The following ATG10 variants were observed in gnomAD, a reference collection of about 807,000 sequenced individuals.
The protein encoded by ATG10 is autophagy related 10.
Under a neutral mutation model 32.1 loss-of-function variants are expected in ATG10, and 30 were observed. The observed-to-expected ratio is 0.94, with a 90% CI of 0.70 to 1.27. The LOEUF (loss-of-function observed/expected upper bound fraction) is 1.27, where lower values mean the gene tolerates loss of function less well. Among genes scored for constraint, ATG10 ranks in the 50% most tolerant of loss-of-function variants. ATG10 has a pLI of 0.00. For synonymous variants in ATG10, 87 were observed against 91.5 expected (o/e 0.95, Z 0.28); for missense variants, 233 against 262.3 (o/e 0.89, Z 0.77).
chr5:82,127,445 C>G (rs1766325077), intron 3 of ATG10, among the ~76,000 whole-genome samples: 1 of 152,136 alleles, frequency 6.6e-6, no homozygotes, highest in Non-Finnish European at 1.5e-5. Context: ...CCTCTAAGCA[C>G]TGCTTTAGTT....
At chr5:81,972,545 C>T (rs1760753597) in intron 1 of ATG10, 1 of 152,252 alleles carries the variant, frequency 6.6e-6, no homozygotes, top group Admixed American at 6.5e-5. Flanking sequence ...CCGTCGCGCA[C>T]ACGGTGTCAC....
In ATG10 at chr5:82,113,670, T is replaced by A. The variant is rs74870418; in HGVS notation, c.217-50729T>A. On this transcript the variant is annotated intron_variant, in intron 3 of 7. Transcript: ENST00000282185. ...AGAATGAGTGCTAGAAATTACTACT[T>A]AAAATTAATTGGTTTTTTTGCTTGT... Among the ~76,000 whole-genome samples, 61 of 152,134 alleles carry A rather than the reference T, an allele frequency of 4.0e-4. No individual in the cohort carries two copies. The East Asian group carries it at 0.01, about 26-fold the overall frequency.
chr5:82,103,536 C>T lies in ATG10; in HGVS notation c.216+44934C>T, dbSNP rs75409995. On this transcript the variant is annotated intron_variant, in intron 3 of 7. Coordinates refer to ENST00000282185, the MANE Select transcript of ATG10 (RefSeq NM_031482.5). Reference sequence around the variant, plus strand: ...ACAGGTCTATTTCTTGTCTTACCTCCTGCCTGCTGCTTCCCACTTGTCCTG... The same window carrying T: ...ACAGGTCTATTTCTTGTCTTACCTCTTGCCTGCTGCTTCCCACTTGTCCTG... Among the ~76,000 whole-genome samples the T allele has an allele frequency of 1.4e-3, 215 of 152,282 alleles. 2 individuals carry two copies. The highest frequency in any genetic ancestry group is 4.9e-3 in the African/African-American group (203 of 41,560).
intron 3 of ATG10, among the ~76,000 whole-genome samples, chr5:82,081,890 A>C (rs1051379706): frequency 6.6e-6 from 1 of 152,102 alleles, no homozygotes; most frequent in East Asian, 1.9e-4. Context: ...GTTAGGGAGG[A>C]TTCTGTCTTT....
At chr5:82,026,349 A>G (rs1762594422) in intron 2 of ATG10, among the ~76,000 whole-genome samples, 1 of 152,182 alleles carries the variant, frequency 6.6e-6, no homozygotes, top group Non-Finnish European at 1.5e-5. Context: ...TATTGTATAT[A>G]CGTGCCGCAT....
At chr5:81,981,473 G>T (rs1005567481) in intron 1 of ATG10, among the ~76,000 whole-genome samples, 12 of 152,108 alleles carry the variant, frequency 7.9e-5, no homozygotes, top group African/African-American at 2.9e-4. Flanking sequence ...AAAAGTAGTG[G>T]GTTGATGTTT....
intron 5 of ATG10, among the ~76,000 whole-genome samples, chr5:82,235,023 G>A (rs1746501132): frequency 6.6e-6 from 1 of 152,140 alleles, no homozygotes; most frequent in Admixed American, 6.5e-5. Context: ...TTCCTGGCAC[G>A]CCCCTGGAGT....
chr5:82,071,076 T>G (rs1764115954), intron 3 of ATG10, among the ~76,000 whole-genome samples: 1 of 152,150 alleles, frequency 6.6e-6, no homozygotes, highest in Non-Finnish European at 1.5e-5. Context: ...GTCATTTAAC[T>G]GTTGTTCTAT....
At chr5:82,005,209 T>C (rs1232821004) in intron 2 of ATG10, among the ~76,000 whole-genome samples, 8 of 152,234 alleles carry the variant, frequency 5.3e-5, no homozygotes, top group Non-Finnish European at 8.8e-5. Flanking sequence ...TCTCTTTACT[T>C]TTTTTGTATG....
intron 5 of ATG10, among the ~76,000 whole-genome samples, chr5:82,235,436 A>C (rs1746516799): frequency 6.6e-6 from 1 of 152,114 alleles, no homozygotes; most frequent in Non-Finnish European, 1.5e-5. Flanking sequence ...CTGTCTCTTT[A>C]TCTTTAATCT....
intron 3 of ATG10, among the ~76,000 whole-genome samples, chr5:82,124,925 AT>A (rs1766199314): frequency 6.6e-6 from 1 of 152,096 alleles, no homozygotes; most frequent in South Asian, 2.1e-4. Context: ...AAGCATTCCT[AT>A]TTCTCCACAT....
At chr5:81,972,754 T>G (rs1366196529) in intron 1 of ATG10, among the ~76,000 whole-genome samples, 2 of 152,074 alleles carry the variant, frequency 1.3e-5, no homozygotes, top group Non-Finnish European at 2.9e-5. Flanking sequence ...CCAACAGGTC[T>G]TTCTTTTTTT....
In ATG10 at chr5:82,143,329, G is replaced by A. The variant is rs1235680336; in HGVS notation, c.217-21070G>A. Among the ~76,000 whole-genome samples, 4 of 152,382 alleles carry A rather than the reference G, an allele frequency of 2.6e-5. No individual in the cohort carries two copies. In the South Asian group the frequency reaches 6.2e-4, roughly 24 times the overall value. ...CAGTATAGACCTAGTTGCCAGAGCC[G>A]TGTGGGTGAATAAGCCCAGCACAGA... is the stretch of plus-strand genomic sequence containing the variant. On this transcript the variant is annotated intron_variant, in intron 3 of 7. Transcript: ENST00000282185.
At chr5:82,112,939 G>T (rs749280184) in intron 3 of ATG10, among the ~76,000 whole-genome samples, 25 of 151,852 alleles carry the variant, frequency 1.6e-4, no homozygotes, top group Non-Finnish European at 3.4e-4. Flanking sequence ...CTTTTATGCA[G>T]ATATAGTTAT....
chr5:82,122,467 C>G (rs1766082551), intron 3 of ATG10, among the ~76,000 whole-genome samples: 1 of 152,094 alleles, frequency 6.6e-6, no homozygotes, highest in African/African-American at 2.4e-5. Flanking sequence ...GATTTCATGA[C>G]ACAGACACCA....
intron 2 of ATG10, among the ~76,000 whole-genome samples, chr5:82,004,410 A>C (rs1581588579): frequency 1.3e-5 from 2 of 152,276 alleles, no homozygotes; most frequent in East Asian, 3.9e-4. Context: ...GTTGAATCTG[A>C]ATAGAATCAG....
At chr5:82,002,620 C>CA (rs1050559655) in intron 2 of ATG10, among the ~76,000 whole-genome samples, 2 of 152,034 alleles carry the variant, frequency 1.3e-5, no homozygotes, top group Non-Finnish European at 2.9e-5. Flanking sequence ...AAGAGGGCAA[C>CA]AACAGACACT....
At chr5:82,151,556 A>G (rs1386642435) in intron 3 of ATG10, among the ~76,000 whole-genome samples, 1 of 151,856 alleles carries the variant, frequency 6.6e-6, no homozygotes, top group African/African-American at 2.4e-5. Flanking sequence ...ATATTATTCA[A>G]TTTTAGTTAA....
intron 3 of ATG10, among the ~76,000 whole-genome samples, chr5:82,119,947 C>T (rs769625227): frequency 1.3e-5 from 2 of 151,808 alleles, no homozygotes; most frequent in African/African-American, 4.8e-5. Context: ...AATAAAAACA[C>T]TTGAAGAATT....
Sources: allele counts gnomAD v4.1 joint callset (sites outside exome capture counted in the v4.1 genomes callset), GRCh38; gene constraint gnomAD v4.1.1; transcripts MANE v1.5; gene names NCBI Gene and HGNC (gene_info 2026-07-23, HGNC 2026-07-21).